The following CYP2J2 variants were observed in gnomAD, a reference collection of about 807,000 sequenced individuals.
CYP2J2 encodes the protein cytochrome P450 family 2 subfamily J member 2, also known as cytochrome P450 2J2.
A neutral mutation model predicts 48.8 loss-of-function variants in CYP2J2; 41 were observed. The ratio of observed to expected loss-of-function variants is 0.84; its 90% CI spans 0.66 to 1.09. The LOEUF (loss-of-function observed/expected upper bound fraction) is 1.09, where lower values mean the gene tolerates loss of function less well. CYP2J2 is among the 50% of genes least tolerant of loss of function. The probability of loss-of-function intolerance (pLI) is 0.00; values close to 1 mark genes in which losing one functional copy is unlikely to be tolerated. For missense variants in CYP2J2, 644 were observed against 617.3 expected, an observed-to-expected ratio of 1.04 and a Z score of -0.46; for synonymous variants, 221 against 227.1, an observed-to-expected ratio of 0.97 and a Z score of 0.24.
At chr1:59,916,168 TGTA>T in intron 1 of CYP2J2, 68 bp from the exon 2 acceptor site, 1 of 1,392,802 alleles carries the variant, frequency 7.2e-7, no homozygotes. Flanking sequence ...GGAGGATGTG[TGTA>T]GCTGGAGGGG....
At chr1:59,900,144 G>A (rs371590863) in intron 8 of CYP2J2, among the ~76,000 whole-genome samples, 1 of 152,056 alleles carries the variant, frequency 6.6e-6, no homozygotes, top group Non-Finnish European at 1.5e-5. Flanking sequence ...ATTTACAAAG[G>A]CCAAAGAACC....
the CYP2J2 span, among the ~76,000 whole-genome samples, chr1:59,962,383 A>G: frequency 6.6e-6 from 1 of 152,170 alleles, no homozygotes; most frequent in African/African-American, 2.4e-5. Context: ...GAGAAGAAAC[A>G]TTGCTAAAAA....
intron 7 of CYP2J2, among the ~76,000 whole-genome samples, chr1:59,902,740 T>C (rs1380250410): frequency 6.6e-6 from 1 of 152,204 alleles, no homozygotes; most frequent in Non-Finnish European, 1.5e-5. Context: ...AAGCACTTTC[T>C]GTACTAAGTA....
upstream of CYP2J2, among the ~76,000 whole-genome samples, chr1:59,928,684 C>T (rs771710256): frequency 3.3e-5 from 5 of 152,192 alleles, no homozygotes; most frequent in Non-Finnish European, 5.9e-5. Context: ...ATAATACCTA[C>T]CCCGGGCCAT....
At chr1:59,926,909 C>A (rs1013301973), upstream of CYP2J2, 1 of 653,076 alleles carries the variant, frequency 1.5e-6, no homozygotes, top group African/African-American at 1.8e-5. Context: ...AGGACACGCA[C>A]CGGTCTCAGA....
At chr1:59,917,533 A>G (rs1358860304) in intron 1 of CYP2J2, among the ~76,000 whole-genome samples, 1 of 152,222 alleles carries the variant, frequency 6.6e-6, no homozygotes, top group Non-Finnish European at 1.5e-5. Flanking sequence ...TTGAGGACAA[A>G]GACGTGAGCC....
chr1:59,925,651 T>C (rs569470290), intron 1 of CYP2J2, among the ~76,000 whole-genome samples: 2 of 152,222 alleles, frequency 1.3e-5, no homozygotes, highest in Non-Finnish European at 2.9e-5. Context: ...AATTGGGTAT[T>C]TCTCCCATAA....
At chr1:59,901,855 C>T (rs973204524) in intron 7 of CYP2J2, among the ~76,000 whole-genome samples, 14 of 151,774 alleles carry the variant, frequency 9.2e-5, no homozygotes, top group African/African-American at 3.4e-4. Flanking sequence ...ATCTGCTTCA[C>T]ACTCTGGAAG....
At chr1:59,903,452 A>C (rs1644337968) in intron 7 of CYP2J2, among the ~76,000 whole-genome samples, 1 of 152,186 alleles carries the variant, frequency 6.6e-6, no homozygotes, top group Admixed American at 6.5e-5. Flanking sequence ...GCATGTTCTT[A>C]CTTATAATGG....
the CYP2J2 span, among the ~76,000 whole-genome samples, chr1:59,931,927 C>T: frequency 6.6e-6 from 1 of 152,102 alleles, no homozygotes; most frequent in East Asian, 1.9e-4. Context: ...GATCTTACAT[C>T]TTCTTCCACA....
At chr1:59,964,578 T>C in the CYP2J2 span, among the ~76,000 whole-genome samples, 1 of 152,214 alleles carries the variant, frequency 6.6e-6, no homozygotes, top group African/African-American at 2.4e-5. Context: ...TCCTTCAATA[T>C]AGAAAATTTA....
the CYP2J2 span, among the ~76,000 whole-genome samples, chr1:59,968,195 GA>G: frequency 6.6e-6 from 1 of 152,106 alleles, no homozygotes. Flanking sequence ...TCCTTTCCCA[GA>G]AAAGTTTCTT....
chr1:59,964,685 T>G, the CYP2J2 span, among the ~76,000 whole-genome samples: 1 of 152,248 alleles, frequency 6.6e-6, no homozygotes, highest in African/African-American at 2.4e-5. Context: ...ATGATAAGCT[T>G]GCATTTTAAA....
intron 8 of CYP2J2, 46 bp downstream of exon 8, chr1:59,900,918 TG>T: frequency 6.3e-7 from 1 of 1,593,972 alleles, no homozygotes; most frequent in Non-Finnish European, 8.6e-7. Flanking sequence ...AGGGGAGGGC[TG>T]GGAGAGGGGC....
chr1:59,944,133 C>T, the CYP2J2 span, among the ~76,000 whole-genome samples: 1 of 152,196 alleles, frequency 6.6e-6, no homozygotes, highest in African/African-American at 2.4e-5. Context: ...TAAAAAATGA[C>T]TACCTATAAT....
chr1:59,956,770 T>C, the CYP2J2 span, among the ~76,000 whole-genome samples: 3 of 152,100 alleles, frequency 2.0e-5, no homozygotes, highest in African/African-American at 7.2e-5. Flanking sequence ...AAATTATCTG[T>C]TTTTCATTGA....
the CYP2J2 span, among the ~76,000 whole-genome samples, chr1:59,968,437 G>A: frequency 3.9e-4 from 59 of 152,172 alleles, no homozygotes; most frequent in African/African-American, 1.4e-3. Context: ...CCTCATGGCT[G>A]AGGCCTGCTG....
chr1:59,926,504 C>CAGGACACGCT, intron 1 of CYP2J2, 33 bp downstream of exon 1: 1 of 1,577,742 alleles, frequency 6.3e-7, no homozygotes, highest in South Asian at 1.1e-5. Flanking sequence ...GAGTTAGGGT[C>CAGGACACGCT]AGGACACGCT....
chr1:59,940,981 GGTGT>G, the CYP2J2 span, among the ~76,000 whole-genome samples: 1 of 152,178 alleles, frequency 6.6e-6, no homozygotes, highest in South Asian at 2.1e-4. Context: ...GTCTTGGAAT[GGTGT>G]GTGTTTGGGT....
Sources: gnomAD v4.1 joint callset for allele counts (sites outside exome capture counted in the v4.1 genomes callset) on GRCh38, gnomAD v4.1.1 for gene constraint, MANE v1.5 for transcripts, NCBI Gene and HGNC (gene_info 2026-07-23, HGNC 2026-07-21) for gene names.